Variants in NAV2 observed in about 807,000 individuals in gnomAD.
NAV2 encodes neuron navigator 2, also known as helicase, APC down-regulated 1.
In NAV2, 54 loss-of-function variants were observed where a neutral mutation model predicts 223.2. That is an observed-to-expected ratio of 0.24 (90% CI 0.19 to 0.30). The LOEUF is 0.30. Ranked by LOEUF, NAV2 falls within the 10% of genes least tolerant of loss-of-function variation. NAV2 has a pLI of 1.00. For missense variants in NAV2, 2,806 were observed against 3,147.5 expected (o/e 0.89, Z 2.60); for synonymous variants, 1,279 against 1,239.3 (o/e 1.03, Z -0.67).
At chr11:19,631,310 T>C (rs2047339896) in intron 1 of NAV2, among the ~76,000 whole-genome samples, 1 of 150,398 alleles carries the variant, frequency 6.6e-6, no homozygotes, top group African/African-American at 2.4e-5. Flanking sequence ...CCTGTGTCCA[T>C]GTGTTCTCAT....
At chr11:19,879,580 T>C (rs2063068945) in intron 4 of NAV2, among the ~76,000 whole-genome samples, 1 of 152,160 alleles carries the variant, frequency 6.6e-6, no homozygotes, top group South Asian at 2.1e-4. Flanking sequence ...ACAAGCACGG[T>C]CTTGCTCGAG....
chr11:19,906,092 C>G (rs548383579), intron 6 of NAV2, among the ~76,000 whole-genome samples: 2 of 152,228 alleles, frequency 1.3e-5, no homozygotes, highest in East Asian at 3.9e-4. Flanking sequence ...TGGGCCTGCT[C>G]CTATGTCTGA....
intron 4 of NAV2, among the ~76,000 whole-genome samples, chr11:19,871,857 A>G (rs940267887): frequency 1.3e-5 from 2 of 152,008 alleles, no homozygotes; most frequent in African/African-American, 4.8e-5. Context: ...CCCCACTTTG[A>G]GCGATTCTTA....
chr11:19,831,142 G>A (rs1565391815), intron 1 of NAV2, among the ~76,000 whole-genome samples: 1 of 146,744 alleles, frequency 6.8e-6, no homozygotes, highest in Non-Finnish European at 1.5e-5. Flanking sequence ...CCCAGGTGGA[G>A]TAGCCAGAGA....
intron 20 of NAV2, 71 bp from the exon 21 acceptor site, chr11:20,068,115 T>C: frequency 7.5e-7 from 1 of 1,333,016 alleles, no homozygotes; most frequent in East Asian, 2.3e-5. Flanking sequence ...GAATATGGTG[T>C]TCCCGATGGG....
At chr11:19,470,421 T>C (rs1263185661) in intron 1 of NAV2, among the ~76,000 whole-genome samples, 1 of 152,210 alleles carries the variant, frequency 6.6e-6, no homozygotes, top group East Asian at 1.9e-4. Context: ...AGAGATTTAT[T>C]TCTTACAGTT....
intron 1 of NAV2, among the ~76,000 whole-genome samples, chr11:19,625,954 C>A (rs58460980): frequency 6.6e-6 from 1 of 151,928 alleles, no homozygotes; most frequent in Non-Finnish European, 1.5e-5. Flanking sequence ...ATGAGTAGTT[C>A]GTGACCATTT....
At chr11:19,639,016 A>G (rs1198449622) in intron 1 of NAV2, among the ~76,000 whole-genome samples, 1 of 152,186 alleles carries the variant, frequency 6.6e-6, no homozygotes, top group Non-Finnish European at 1.5e-5. Flanking sequence ...TAAAAATAAT[A>G]AAGAAATAGA....
chr11:19,392,735 T>A (rs537896041), intron 1 of NAV2, among the ~76,000 whole-genome samples: 1 of 152,248 alleles, frequency 6.6e-6, no homozygotes, highest in East Asian at 1.9e-4. Context: ...GGGTGGTAAA[T>A]AATTTGCAGC....
At chr11:20,064,074 C>G (rs1002029295) in intron 20 of NAV2, among the ~76,000 whole-genome samples, 2 of 152,184 alleles carry the variant, frequency 1.3e-5, no homozygotes, top group African/African-American at 4.8e-5. Flanking sequence ...CCTAGCTTTC[C>G]TTTTAAAGGC....
At chr11:19,851,645 C>G (rs139713240) in intron 3 of NAV2, among the ~76,000 whole-genome samples, 1 of 152,142 alleles carries the variant, frequency 6.6e-6, no homozygotes, top group Admixed American at 6.5e-5. Context: ...CATTCCCTGC[C>G]CTGTTTACAA....
intron 8 of NAV2, among the ~76,000 whole-genome samples, chr11:19,940,557 T>C (rs1591341320): frequency 6.6e-6 from 1 of 152,344 alleles, no homozygotes; most frequent in South Asian, 2.1e-4. Context: ...GATTTATTAG[T>C]GGCTGTGTCA....
At chr11:19,552,672 C>T (rs575896800) in intron 1 of NAV2, among the ~76,000 whole-genome samples, 1 of 152,266 alleles carries the variant, frequency 6.6e-6, no homozygotes, top group East Asian at 1.9e-4. Flanking sequence ...GCCTCACAGA[C>T]ATTATAGGCA....
At chr11:19,853,569 ATTC>A (rs932534685) in intron 3 of NAV2, among the ~76,000 whole-genome samples, 3 of 152,122 alleles carry the variant, frequency 2.0e-5, no homozygotes, top group Non-Finnish European at 2.9e-5. Context: ...GCCCTAGACA[ATTC>A]TTCTTTTTGC....
At chr11:19,540,788 T>G (rs915708964) in intron 1 of NAV2, among the ~76,000 whole-genome samples, 4 of 152,192 alleles carry the variant, frequency 2.6e-5, no homozygotes, top group Non-Finnish European at 5.9e-5. Context: ...TACAGCTCTT[T>G]GGGAGGCCAA....
At chr11:19,456,736 C>T (rs1399414937) in intron 1 of NAV2, among the ~76,000 whole-genome samples, 1 of 152,198 alleles carries the variant, frequency 6.6e-6, no homozygotes, top group Non-Finnish European at 1.5e-5. Flanking sequence ...GGGATTTGAA[C>T]CCAGGTCGTC....
intron 1 of NAV2, among the ~76,000 whole-genome samples, chr11:19,427,262 G>A (rs1850868353): frequency 1.3e-5 from 2 of 152,202 alleles, no homozygotes; most frequent in Non-Finnish European, 2.9e-5. Flanking sequence ...CACACTTGAC[G>A]TGGGCTATAA....
chr11:20,045,242 C>T lies in NAV2; in HGVS notation c.3474C>T (p.Leu1158=), dbSNP rs374804697. ...GCAAAATCCCAAAGTCATCTGCACTCGTCAGTCGGTCTGCTGGTCGGAAGT... is the reference window on the plus strand; with the variant it reads ...GCAAAATCCCAAAGTCATCTGCACTTGTCAGTCGGTCTGCTGGTCGGAAGT... ...TLGKIPKSSA[L]VSRSAGRKSS... Residue 1158 remains leucine (L), a synonymous_variant, in exon 14 of 38, where the codon CTC becomes CTT. Coordinates refer to ENST00000349880, the MANE Select transcript of NAV2 (RefSeq NM_145117.5). 22 of 1,614,178 alleles carry T rather than the reference C, an allele frequency of 1.4e-5. No individual in the cohort carries two copies. Among genetic ancestry groups the T allele is most frequent in the Admixed American group, 1.7e-5 (1 of 60,032 alleles).
chr11:19,726,269 G>T (rs1467757168), intron 1 of NAV2, among the ~76,000 whole-genome samples: 1 of 152,100 alleles, frequency 6.6e-6, no homozygotes, highest in African/African-American at 2.4e-5. Context: ...AAAAAGGAGG[G>T]GCTGAAATGG....
Sources: allele counts gnomAD v4.1 joint callset (sites outside exome capture counted in the v4.1 genomes callset), GRCh38; gene constraint gnomAD v4.1.1; transcripts MANE v1.5; gene names NCBI Gene and HGNC (gene_info 2026-07-23, HGNC 2026-07-21).